The following NFX1 variants were observed in gnomAD, a reference collection of about 807,000 sequenced individuals.
NFX1 encodes nuclear transcription factor, X-box binding 1.
Under a neutral mutation model 137.2 loss-of-function variants are expected in NFX1, and 69 were observed. The ratio of observed to expected loss-of-function variants is 0.50; its 90% CI spans 0.41 to 0.61. NFX1 has a LOEUF of 0.61. Ranked by LOEUF, NFX1 falls within the 20% of genes least tolerant of loss-of-function variation. The pLI is 0.00. For synonymous variants in NFX1, 495 were observed against 474.1 expected (o/e 1.04, Z -0.57); for missense variants, 1,167 against 1,391.0 (o/e 0.84, Z 2.56).
At chr9:33,328,099 G>A (rs958363676) in intron 9 of NFX1, among the ~76,000 whole-genome samples, 2 of 152,048 alleles carry the variant, frequency 1.3e-5, no homozygotes, top group African/African-American at 4.8e-5. Context: ...TAGCCTCAAC[G>A]TCCCATGCTC....
At chr9:33,296,544 A>G (rs1481939188) in intron 2 of NFX1, among the ~76,000 whole-genome samples, 1 of 152,202 alleles carries the variant, frequency 6.6e-6, no homozygotes, top group Non-Finnish European at 1.5e-5. Context: ...CCTGGGCAAC[A>G]TAAGGAGACC....
intron 14 of NFX1, among the ~76,000 whole-genome samples, chr9:33,346,735 C>T (rs975512561): frequency 2.0e-5 from 3 of 152,138 alleles, no homozygotes; most frequent in East Asian, 1.9e-4. Flanking sequence ...AAAAGAATGA[C>T]GTAGTAGAAT....
intron 3 of NFX1, among the ~76,000 whole-genome samples, chr9:33,302,164 A>G (rs2118231297): frequency 6.6e-6 from 1 of 152,256 alleles, no homozygotes; most frequent in African/African-American, 2.4e-5. Context: ...TGATATTTTG[A>G]TACAAGCGTA....
chr9:33,325,913 C>G (rs966436702), intron 9 of NFX1, among the ~76,000 whole-genome samples: 1 of 152,046 alleles, frequency 6.6e-6, no homozygotes, highest in Admixed American at 6.6e-5. Flanking sequence ...ATGCATATTT[C>G]TTCTTCTCAA....
intron 10 of NFX1, among the ~76,000 whole-genome samples, chr9:33,329,558 C>CA (rs1271842549): frequency 1.3e-5 from 2 of 152,178 alleles, no homozygotes; most frequent in East Asian, 3.8e-4. Context: ...AGGCCAGACT[C>CA]TCTTTAAGTA....
intron 17 of NFX1, 117 bp downstream of exon 17, chr9:33,352,836 G>T (rs1180188446): frequency 9.6e-6 from 7 of 728,144 alleles, no homozygotes; most frequent in Non-Finnish European, 1.7e-5. Flanking sequence ...AACGAAGTCT[G>T]TAACTGTTGT....
chr9:33,307,372 T>G, intron 5 of NFX1, 73 bp downstream of exon 5: 1 of 1,257,648 alleles, frequency 8.0e-7, no homozygotes, highest in East Asian at 2.3e-5. Context: ...TAAACATACC[T>G]GGTTAGCATG....
intron 5 of NFX1, among the ~76,000 whole-genome samples, chr9:33,310,624 A>T (rs921602181): frequency 1.3e-5 from 2 of 151,796 alleles, no homozygotes; most frequent in Admixed American, 1.3e-4. Context: ...TCACTGTTCC[A>T]TTGTTTGCCC....
At chr9:33,315,129 G>C (rs902985701) in intron 7 of NFX1, among the ~76,000 whole-genome samples, 2 of 151,640 alleles carry the variant, frequency 1.3e-5, no homozygotes, top group Admixed American at 1.3e-4. Context: ...GGAGGCTGAG[G>C]CAGGAGAATC....
Position 33,338,479 on chromosome 9 carries a change from T to C in NFX1, c.2036-31T>C, listed in dbSNP as rs755980358. The C allele has an allele frequency of 8.0e-6, 12 of 1,503,218 alleles. 1 individual carries two copies. In the East Asian group the frequency reaches 2.3e-4, roughly 29 times the overall value. 93.1% of individuals were successfully genotyped at this position (1,503,218 alleles called of 1,614,324 possible). ...ATGAATGTTCATATCCTTTGTCTGG[T>C]TTTTTTTTTCTTTTTAATTTGCCAC... On this transcript the variant is annotated intron_variant, in intron 11 of 23. Coordinates refer to ENST00000379540, the MANE Select transcript of NFX1 (RefSeq NM_002504.6).
chr9:33,315,724 C>CA (rs370062801), intron 7 of NFX1, among the ~76,000 whole-genome samples: 42,274 of 114,652 alleles, frequency 0.37, 7,284 homozygotes, highest in East Asian at 0.5. Flanking sequence ...CAGTCTCTAA[C>CA]AACAACAAAA....
rs1422959668 is a variant in NFX1, at chr9:33,301,412, T to C, written c.1183T>C (p.Ser395Pro). The C allele has an allele frequency of 6.2e-7, 1 of 1,613,680 alleles. No individual in the cohort carries two copies. Among genetic ancestry groups the C allele is most frequent in the African/African-American group, 1.3e-5 (1 of 74,908 alleles). ...CIKKWARSPA[S>P]QADGQSGWRC... ...AAAGAAATGGGCAAGGTCTCCAGCA[T>C]CTCAAGCAGGTCAATTAATTCTCTC... Residue 395 changes from serine (S) to proline (P), a missense_variant, in exon 3 of 24, where the codon TCT becomes CCT. Ser to Pro is a moderately conservative substitution (Grantham distance 74). Around this residue, in one of 3 missense-constraint regions of NFX1, gnomAD observed 488 missense variants for 691.5 expected, o/e 0.71. Coordinates refer to ENST00000379540, the MANE Select transcript of NFX1 (RefSeq NM_002504.6).
intron 14 of NFX1, among the ~76,000 whole-genome samples, chr9:33,345,759 G>GGGCC (rs1823400784): frequency 6.6e-6 from 1 of 152,028 alleles, no homozygotes; most frequent in African/African-American, 2.4e-5. Flanking sequence ...TTACATGGAT[G>GGGCC]GGCCATAACT....
chr9:33,351,970 T>A, intron 16 of NFX1, 180 bp downstream of exon 16: 1 of 575,782 alleles, frequency 1.7e-6, no homozygotes, highest in Non-Finnish European at 2.9e-6. Context: ...CAACTTGGTA[T>A]GGCCTTTTGA....
intron 11 of NFX1, among the ~76,000 whole-genome samples, chr9:33,335,193 A>G (rs1041256153): frequency 2.9e-5 from 4 of 140,342 alleles, no homozygotes; most frequent in African/African-American, 5.5e-5. Context: ...TCTGTCTTAC[A>G]TTTTTTCTTC....
chr9:33,354,990 C>T (rs542962193), intron 19 of NFX1, 98 bp downstream of exon 19: 317 of 1,137,828 alleles, frequency 2.8e-4, no homozygotes, highest in Non-Finnish European at 3.8e-4. Flanking sequence ...CTCAGCACTG[C>T]GCTGCGTCTT....
rs535759013 is a variant in NFX1 at position 33,323,701 on chromosome 9, C to T, written c.1906+4574C>T. Among the ~76,000 whole-genome samples the T allele has an allele frequency of 4.6e-5, 7 of 151,274 alleles. No individual in the cohort carries two copies. The South Asian group carries it at 1.3e-3, about 27-fold the overall frequency. On this transcript the variant is annotated intron_variant, in intron 9 of 23. Coordinates refer to ENST00000379540, the MANE Select transcript of NFX1 (RefSeq NM_002504.6). Reference sequence around the variant, plus strand: ...CCAGGAGGCAGAGGTTGCAGTGAGCCGCGATTGCGCCACTGCACTACAGCC... The same window carrying T: ...CCAGGAGGCAGAGGTTGCAGTGAGCTGCGATTGCGCCACTGCACTACAGCC...
intron 20 of NFX1, among the ~76,000 whole-genome samples, chr9:33,364,335 T>G (rs1171158164): frequency 6.6e-6 from 1 of 152,100 alleles, no homozygotes; most frequent in Non-Finnish European, 1.5e-5. Context: ...AGAGTTTGGG[T>G]GGGGTGGTGG....
At chr9:33,297,702 C>G (rs1227200132) in intron 2 of NFX1, among the ~76,000 whole-genome samples, 1 of 152,180 alleles carries the variant, frequency 6.6e-6, no homozygotes, top group Non-Finnish European at 1.5e-5. Context: ...GGGTGTCTCT[C>G]TCAGCTCCTA....
Sources: allele counts gnomAD v4.1 joint callset (sites outside exome capture counted in the v4.1 genomes callset), GRCh38; gene constraint gnomAD v4.1.1; regional missense constraint gnomAD v4.1.1; transcripts MANE v1.5; gene names NCBI Gene and HGNC (gene_info 2026-07-23, HGNC 2026-07-21).